Variants in IQCK observed in about 807,000 individuals in gnomAD.
IQCK encodes IQ motif containing K, also known as IQ domain-containing protein K.
Under a neutral mutation model 28.1 loss-of-function variants are expected in IQCK, and 29 were observed. That is an observed-to-expected ratio of 1.03 (90% CI 0.77 to 1.41). The LOEUF (loss-of-function observed/expected upper bound fraction) is 1.41, where lower values mean the gene tolerates loss of function less well. IQCK is among the 40% of genes most tolerant of loss of function. The pLI is 0.00. For synonymous variants in IQCK, 113 were observed against 115.1 expected, an observed-to-expected ratio of 0.98 and a Z score of 0.12; for missense variants, 359 against 314.7, an observed-to-expected ratio of 1.14 and a Z score of -1.07.
intron 4 of IQCK, 99 bp from the exon 5 acceptor site, chr16:19,763,749 A>T: frequency 2.2e-6 from 2 of 925,542 alleles, no homozygotes; most frequent in Non-Finnish European, 3.5e-6. Flanking sequence ...AGCCAGTGTT[A>T]AGCTTTATTG....
chr16:19,810,561 C>A (rs1443205210), intron 7 of IQCK, among the ~76,000 whole-genome samples: 4 of 150,958 alleles, frequency 2.6e-5, no homozygotes, highest in Non-Finnish European at 5.9e-5. Context: ...ACCTGTAATC[C>A]CAGCACTTTG....
At chr16:19,782,754 C>G (rs918674340) in intron 6 of IQCK, among the ~76,000 whole-genome samples, 1 of 152,178 alleles carries the variant, frequency 6.6e-6, no homozygotes, top group Non-Finnish European at 1.5e-5. Flanking sequence ...TGACACCTCT[C>G]TAATTGTCTT....
intron 4 of IQCK, among the ~76,000 whole-genome samples, chr16:19,751,420 G>A (rs2054985307): frequency 6.6e-6 from 1 of 152,130 alleles, no homozygotes; most frequent in South Asian, 2.1e-4. Context: ...TGAGGCTGCA[G>A]TGAGCTATGA....
intron 7 of IQCK, among the ~76,000 whole-genome samples, chr16:19,809,711 A>G (rs1597578478): frequency 6.6e-6 from 1 of 152,192 alleles, no homozygotes; most frequent in African/African-American, 2.4e-5. Flanking sequence ...ATGTGATTCA[A>G]TGGGGCACAG....
intron 7 of IQCK, among the ~76,000 whole-genome samples, chr16:19,793,643 G>GTTTTTTTTTTTTTTTTTTT (rs1285541664): frequency 1.6e-5 from 1 of 61,808 alleles, no homozygotes; most frequent in African/African-American, 7.8e-5. Context: ...TCTCAGTTGG[G>GTTTTTTTTTTTTTTTTTTT]TTTTTTTTTT....
intron 9 of IQCK, among the ~76,000 whole-genome samples, chr16:19,850,246 A>G (rs1460150104): frequency 6.6e-6 from 1 of 152,076 alleles, no homozygotes; most frequent in African/African-American, 2.4e-5. Flanking sequence ...CAGTTGTGAG[A>G]TCTTGACCCT....
intron 9 of IQCK, among the ~76,000 whole-genome samples, chr16:19,841,313 T>C (rs1471306800): frequency 6.6e-6 from 1 of 152,196 alleles, no homozygotes; most frequent in Non-Finnish European, 1.5e-5. Flanking sequence ...ATCTTTTGCA[T>C]GAGCCCTACT....
At chr16:19,835,346 T>C (rs72769581) in intron 9 of IQCK, among the ~76,000 whole-genome samples, 38,426 of 152,076 alleles carry the variant, frequency 0.25, 5,276 homozygotes, top group African/African-American at 0.35. Context: ...TATGCTGTAC[T>C]GTAACTGGCT....
At chr16:19,827,532 C>T (rs538758565), downstream of IQCK, among the ~76,000 whole-genome samples, 3 of 152,130 alleles carry the variant, frequency 2.0e-5, no homozygotes, top group South Asian at 2.1e-4. Context: ...TCCCCTTTTG[C>T]GATGGCTAAT....
chr16:19,821,466 G>A (rs1173411746), intron 7 of IQCK, among the ~76,000 whole-genome samples: 3 of 152,148 alleles, frequency 2.0e-5, no homozygotes, highest in Non-Finnish European at 1.5e-5. Flanking sequence ...CTGGGAGACC[G>A]AGGCGGGTGG....
intron 4 of IQCK, 183 bp downstream of exon 4, chr16:19,735,633 C>A: frequency 1.7e-6 from 1 of 586,632 alleles, no homozygotes. Flanking sequence ...CATACATGCG[C>A]TGCCATCTGT....
chr16:19,813,689 A>G (rs1213278142), intron 7 of IQCK, among the ~76,000 whole-genome samples: 1 of 152,212 alleles, frequency 6.6e-6, no homozygotes, highest in Admixed American at 6.5e-5. Flanking sequence ...AGTGGGATGC[A>G]AGAAACAATG....
chr16:19,786,515 C>T (rs568762186), intron 6 of IQCK, among the ~76,000 whole-genome samples: 2 of 144,266 alleles, frequency 1.4e-5, no homozygotes, highest in African/African-American at 2.9e-5. Flanking sequence ...CTGGCCAACA[C>T]AGTGAAACCC....
At chr16:19,749,340 G>A (rs996515975) in intron 4 of IQCK, among the ~76,000 whole-genome samples, 1 of 152,138 alleles carries the variant, frequency 6.6e-6, no homozygotes, top group Non-Finnish European at 1.5e-5. Context: ...ACCTGTTTTT[G>A]TAAATGAAAT....
intron 9 of IQCK, among the ~76,000 whole-genome samples, chr16:19,834,797 G>C (rs780865306): frequency 1.3e-5 from 2 of 152,176 alleles, no homozygotes; most frequent in Non-Finnish European, 2.9e-5. Context: ...GAGGGAACCT[G>C]GGTACCAGGA....
chr16:19,749,857 T>C (rs546068359), intron 4 of IQCK, among the ~76,000 whole-genome samples: 23 of 152,232 alleles, frequency 1.5e-4, no homozygotes, highest in African/African-American at 5.3e-4. Flanking sequence ...ATAGCTGTTA[T>C]GTGGGAGGCA....
chr16:19,807,035 C>T (rs1463363954), intron 7 of IQCK, among the ~76,000 whole-genome samples: 1 of 152,226 alleles, frequency 6.6e-6, no homozygotes, highest in East Asian at 1.9e-4. Context: ...TGGTGTGCCA[C>T]ATCCAAGATT....
Position 19,775,866 on chromosome 16 carries a change from C to CTTTTTTTT in IQCK, c.605+11780_605+11787dup, listed in dbSNP as rs570530152. Among the ~76,000 whole-genome samples the CTTTTTTTT allele has an allele frequency of 6.6e-4, 25 of 37,726 alleles. 2 individuals are homozygous for CTTTTTTTT. Among genetic ancestry groups the CTTTTTTTT allele is most frequent in the Non-Finnish European group, 9.3e-4 (21 of 22,636 alleles). 24.7% of individuals were successfully genotyped at this position (37,726 alleles called of 152,430 possible). On this transcript the variant is annotated intron_variant, in intron 6 of 7. Transcript: ENST00000564186. ...CTAGCTGTTCTGTTCTGGGCACAGG[C>CTTTTTTTT]TTTTTTTTTTTTTTTTTTTTTTTTT...
rs1294772908 is a variant in IQCK at position 19,845,297 on chromosome 16, G to A, written c.803-11190G>A. On this transcript the variant is annotated intron_variant, in intron 9 of 9. Coordinates refer to the IQCK transcript ENST00000320394. Reference sequence around the variant, plus strand: ...ATAAACTGGAGGGTTTGTCTCTGTTGTTCTTAAAGGCAGCATATAATATAC... The same window carrying A: ...ATAAACTGGAGGGTTTGTCTCTGTTATTCTTAAAGGCAGCATATAATATAC... Among the ~76,000 whole-genome samples, 4 of 152,214 alleles carry A rather than the reference G, an allele frequency of 2.6e-5. No individual in the cohort carries two copies. The East Asian group carries it at 7.7e-4, about 29-fold the overall frequency.
Sources: gnomAD v4.1 joint callset for allele counts (sites outside exome capture counted in the v4.1 genomes callset) on GRCh38, gnomAD v4.1.1 for gene constraint, MANE v1.5 for transcripts, NCBI Gene and HGNC (gene_info 2026-07-23, HGNC 2026-07-21) for gene names.